PCDHA9: variants seen among roughly 807,000 people sequenced by gnomAD.
PCDHA9 encodes protocadherin alpha 9.
Under a neutral mutation model 62.0 loss-of-function variants are expected in PCDHA9, and 62 were observed. The ratio of observed to expected loss-of-function variants is 1.00; its 90% CI spans 0.81 to 1.23. The LOEUF (loss-of-function observed/expected upper bound fraction) is 1.23. Among genes scored for constraint, PCDHA9 ranks in the 50% most tolerant of loss-of-function variants. The probability of loss-of-function intolerance (pLI) is 0.00; values close to 1 mark genes in which losing one functional copy is unlikely to be tolerated. For missense variants in PCDHA9, 1,205 were observed against 1,249.8 expected (o/e 0.96, Z 0.54); for synonymous variants, 557 against 567.6 (o/e 0.98, Z 0.27).
intron 3 of PCDHA9, among the ~76,000 whole-genome samples, chr5:140,991,118 A>T (rs2153893669): frequency 6.6e-6 from 1 of 152,340 alleles, no homozygotes; most frequent in South Asian, 2.1e-4. Context: ...GCTTTCTTAC[A>T]TTCACACAGC....
In PCDHA9 at chr5:140,849,941, T is replaced by G. The variant is rs2150458780; in HGVS notation, c.1446T>G (p.Ala482=). The G allele has an allele frequency of 0.63, 1,006,911 of 1,597,380 alleles. 351,403 individuals carry two copies. Among genetic ancestry groups the G allele is most frequent in the African/African-American group, 0.85 (63,094 of 74,394 alleles). Reference sequence around the variant, plus strand: ...TCTTCACGGTGTCTGCGCGGGACGCTGACGCGCAGGAGAACGCCCTGGTGT... The same window carrying G: ...TCTTCACGGTGTCTGCGCGGGACGCGGACGCGCAGGAGAACGCCCTGGTGT... ...CHIFTVSARD[A]DAQENALVSY... The change falls in exon 1 of 4, where the codon GCT becomes GCG. Residue 482 remains alanine (A), a synonymous_variant. Coordinates refer to ENST00000532602, the MANE Select transcript of PCDHA9 (RefSeq NM_031857.2).
chr5:140,859,050 C>T lies in PCDHA9; in HGVS notation c.2394+8161C>T, dbSNP rs1375477710. ...TGCTTTGAACTTTAAAAACGTTTTC[C>T]ATTTTTATTTTAGTTGTAGTGGTAC... On this transcript the variant is annotated intron_variant, in intron 1 of 3. Transcript: ENST00000532602. 1.3e-5 allele frequency: 2 copies of T among 150,490 alleles called. 1 individual carries two copies. The highest frequency in any genetic ancestry group is 3.0e-5 in the Non-Finnish European group (2 of 67,566). The allele number at this position is 150,490 out of a possible 1,614,324, so 9.3% of individuals were successfully genotyped here.
At chr5:140,976,515 C>T (rs1285704969) in intron 1 of PCDHA9, among the ~76,000 whole-genome samples, 1 of 152,016 alleles carries the variant, frequency 6.6e-6, no homozygotes, top group Non-Finnish European at 1.5e-5. Flanking sequence ...CGCGCCACTG[C>T]ACACCAGCCT....
Position 140,849,831 on chromosome 5 carries a change from G to A in PCDHA9, c.1336G>A (p.Ala446Thr), listed in dbSNP as rs2041164266. 6.3e-7 allele frequency: 1 copy of A among 1,598,450 alleles called. No individual in the cohort carries two copies. The highest frequency in any genetic ancestry group is 1.3e-5 in the African/African-American group (1 of 74,404). Residue 446 changes from alanine to threonine, a missense_variant, in exon 1 of 4, where the codon GCC (alanine) becomes ACC (threonine). Physicochemically the swap from Ala to Thr is moderately conservative, Grantham distance 58. Around this residue, in one of 3 missense-constraint regions of PCDHA9, gnomAD observed 887 missense variants for 809.5 expected, o/e 1.10. Transcript: ENST00000532602. ...WATARVSVEV[A>T]DVNDNAPAFA... ...CACGGCCAGGGTGTCTGTGGAGGTGGCCGACGTGAACGACAACGCACCAGC... is the reference window on the plus strand; with the variant it reads ...CACGGCCAGGGTGTCTGTGGAGGTGACCGACGTGAACGACAACGCACCAGC...
intron 2 of PCDHA9, among the ~76,000 whole-genome samples, chr5:140,981,854 C>T (rs2096954295): frequency 6.6e-6 from 1 of 152,132 alleles, no homozygotes; most frequent in South Asian, 2.1e-4. Flanking sequence ...GTATCTCACT[C>T]CCAGCAATGT....
At chr5:140,968,288 C>G in intron 1 of PCDHA9, 2 of 1,613,976 alleles carry the variant, frequency 1.2e-6, no homozygotes, top group South Asian at 2.2e-5. Flanking sequence ...GACCTACTCC[C>G]TTCTGGAGAG....
chr5:140,872,560 A>G (rs944323027), intron 1 of PCDHA9, among the ~76,000 whole-genome samples: 1 of 152,156 alleles, frequency 6.6e-6, no homozygotes, highest in African/African-American at 2.4e-5. Context: ...CCAGGGGTTC[A>G]GGGCTGCAGT....
rs1256665914 is a variant in PCDHA9 at position 140,917,331 on chromosome 5, G to A, written c.2395-61618G>A. On this transcript the variant is annotated intron_variant, in intron 1 of 3. Transcript: ENST00000532602. ...AATTTGGTGTTCATGTGGCGGGGGA[G>A]GGGGGGGATGGTGTAGGCTTCTGTT... Among the ~76,000 whole-genome samples the A allele has an allele frequency of 5.8e-5, 8 of 137,654 alleles. 1 individual carries two copies. The East Asian group carries it at 6.7e-4, about 12-fold the overall frequency. 90.3% of individuals were successfully genotyped at this position (137,654 alleles called of 152,430 possible).
intron 1 of PCDHA9, chr5:140,966,927 C>T (rs1434590204): frequency 1.2e-6 from 2 of 1,603,398 alleles, no homozygotes; most frequent in Admixed American, 1.7e-5. Flanking sequence ...GAGCAGGCAC[C>T]CGGCGCGCTC....
At chr5:140,915,479 G>T (rs1170530979) in intron 1 of PCDHA9, among the ~76,000 whole-genome samples, 1 of 151,948 alleles carries the variant, frequency 6.6e-6, no homozygotes, top group African/African-American at 2.4e-5. Flanking sequence ...AAGGAGCTTG[G>T]GCCTCAATCC....
intron 1 of PCDHA9, among the ~76,000 whole-genome samples, chr5:140,897,369 T>C (rs183566624): frequency 0.013 from 1,702 of 128,706 alleles, 36 homozygotes; most frequent in African/African-American, 0.049. Flanking sequence ...GAGTGTGATG[T>C]TCCCTTCCCC....
At chr5:140,908,142 A>G (rs1371459142) in intron 1 of PCDHA9, among the ~76,000 whole-genome samples, 1 of 152,158 alleles carries the variant, frequency 6.6e-6, no homozygotes, top group Non-Finnish European at 1.5e-5. Flanking sequence ...TCCTTCAGGT[A>G]TGTCCTAGGA....
At chr5:140,936,925 T>C (rs1554211273) in intron 1 of PCDHA9, among the ~76,000 whole-genome samples, 2 of 152,208 alleles carry the variant, frequency 1.3e-5, no homozygotes, top group African/African-American at 2.4e-5. Context: ...AAATATGGGG[T>C]ATATTGAAAA....
rs191774551 is a variant in PCDHA9, at chr5:140,984,794, A to C, written c.2542+2231A>C. Among the ~76,000 whole-genome samples, 4 of 152,294 alleles carry C rather than the reference A, an allele frequency of 2.6e-5. No homozygotes were observed. In the East Asian group the frequency reaches 7.7e-4, roughly 29 times the overall value. ...CTTACTTGCTGGGTGAGCATAGACA[A>C]ACTGCCTGAATTCATATTTTCTTAA... On this transcript the variant is annotated intron_variant, in intron 3 of 3. Transcript: ENST00000532602.
chr5:140,923,396 T>C (rs2081343835), intron 1 of PCDHA9, among the ~76,000 whole-genome samples: 1 of 152,058 alleles, frequency 6.6e-6, no homozygotes, highest in Non-Finnish European at 1.5e-5. Context: ...GGCATGGTGG[T>C]GTGTGCCTAT....
In PCDHA9 at chr5:140,877,310, C is replaced by T. The variant is rs371801888; in HGVS notation, c.2394+26421C>T. ...GCTTGGCTGTCCTACGAGTTGCAACCGGCGGCGGTCGGCGCGCACATCCCG... is the reference window on the plus strand; with the variant it reads ...GCTTGGCTGTCCTACGAGTTGCAACTGGCGGCGGTCGGCGCGCACATCCCG... On this transcript the variant is annotated intron_variant, in intron 1 of 3. Transcript: ENST00000532602. 16 of 1,613,820 alleles carry T rather than the reference C, an allele frequency of 9.9e-6. No homozygotes were observed. In the African/African-American group the frequency reaches 1.9e-4, roughly 19 times the overall value.
At position 140,867,369 on chromosome 5, in the gene PCDHA9, G is replaced by A. The variant is rs554108396; in HGVS notation, c.2394+16480G>A. On this transcript the variant is annotated intron_variant, in intron 1 of 3. Coordinates refer to ENST00000532602, the MANE Select transcript of PCDHA9 (RefSeq NM_031857.2). ...CTATGATTGATTATTTTACAGATGC[G>A]TAATGGAATTAACGGTTATAAAAGT... is the stretch of plus-strand genomic sequence containing the variant. 21 of 152,194 alleles carry A rather than the reference G, an allele frequency of 1.4e-4. 1 individual carries two copies. Among genetic ancestry groups the A allele is most frequent in the South Asian group, 1.0e-3 (5 of 4,822 alleles). The allele number at this position is 152,194 out of a possible 1,614,324, so 9.4% of individuals were successfully genotyped here.
In PCDHA9 at chr5:141,010,200, C is replaced by T. The variant is rs1356287133; in HGVS notation, c.*263C>T. On this transcript the variant is annotated 3_prime_UTR_variant, in exon 4 of 4. Coordinates refer to ENST00000532602, the MANE Select transcript of PCDHA9 (RefSeq NM_031857.2). ...AGCAGACCCAAGTTTCCTTTCTCCTCCGCCGCAAAGGAGAGGCTTCCCAGC... is the reference window on the plus strand; with the variant it reads ...AGCAGACCCAAGTTTCCTTTCTCCTTCGCCGCAAAGGAGAGGCTTCCCAGC... The T allele has an allele frequency of 1.3e-6, 2 of 1,551,984 alleles. No individual in the cohort carries two copies. Among genetic ancestry groups the T allele is most frequent in the African/African-American group, 2.7e-5 (2 of 73,038 alleles).
In PCDHA9 at chr5:140,883,991, G is replaced by A. The variant is rs1475054823; in HGVS notation, c.2394+33102G>A. ...GACGCCCGGGGCTGGCAGCGCGGGA[G>A]GCACAGTGAGCGAGCTGATGCCGCG... On this transcript the variant is annotated intron_variant, in intron 1 of 3. Transcript: ENST00000532602. 2 of 1,612,972 alleles carry A rather than the reference G, an allele frequency of 1.2e-6. No individual in the cohort carries two copies. The highest frequency in any genetic ancestry group is 2.2e-5 in the East Asian group (1 of 44,862).
Sources: allele counts gnomAD v4.1 joint callset (sites outside exome capture counted in the v4.1 genomes callset), GRCh38; gene constraint gnomAD v4.1.1; regional missense constraint gnomAD v4.1.1; transcripts MANE v1.5; gene names NCBI Gene and HGNC (gene_info 2026-07-23, HGNC 2026-07-21).